Variants in NME8 observed in about 807,000 individuals in gnomAD.
The protein encoded by NME8 is protein NME8.
In NME8, 72 loss-of-function variants were observed where a neutral mutation model predicts 82.3. The observed-to-expected ratio is 0.87, with a 90% CI of 0.72 to 1.06. NME8 has a LOEUF of 1.06. NME8 is among the 50% of genes least tolerant of loss of function. The pLI is 0.00. For synonymous variants in NME8, 267 were observed against 228.5 expected (o/e 1.17, Z -1.52); for missense variants, 712 against 685.4 (o/e 1.04, Z -0.43).
intron 14 of NME8, among the ~76,000 whole-genome samples, chr7:37,888,026 C>T (rs1047436417): frequency 1.3e-5 from 2 of 152,094 alleles, no homozygotes; most frequent in Non-Finnish European, 2.9e-5. Flanking sequence ...AGCATTCATT[C>T]CTCTTTCATA....
chr7:37,879,041 A>T (rs1172509545), intron 12 of NME8, among the ~76,000 whole-genome samples: 1 of 151,360 alleles, frequency 6.6e-6, no homozygotes, highest in Non-Finnish European at 1.5e-5. Flanking sequence ...CTCTCTCCTA[A>T]CCCCTGGCAA....
At position 37,867,954 on chromosome 7, in the gene NME8, C is replaced by T. The variant is rs118137117; in HGVS notation, c.818+56C>T. ...TGCAATGTGTTATTGGGTAATGAAG[C>T]GTAGTGTAGGCACCTCAGTACCTAA... On this transcript the variant is annotated intron_variant, in intron 11 of 17. Coordinates refer to ENST00000199447, the MANE Select transcript of NME8 (RefSeq NM_016616.5). The T allele has an allele frequency of 7.7e-3, 11,474 of 1,481,814 alleles. 494 individuals carry two copies. In the East Asian group the frequency reaches 0.12, roughly 15 times the overall value. 91.8% of individuals were successfully genotyped at this position (1,481,814 alleles called of 1,614,324 possible). A position where few individuals can be genotyped will look rare whatever the true frequency, so the allele number is the denominator to read the frequency against.
intron 10 of NME8, among the ~76,000 whole-genome samples, chr7:37,867,487 C>T (rs1279235718): frequency 6.6e-6 from 1 of 151,846 alleles, no homozygotes; most frequent in Non-Finnish European, 1.5e-5. Flanking sequence ...TCACTATGTC[C>T]CCCATGAATA....
chr7:37,888,062 G>A (rs1785070688), intron 14 of NME8, among the ~76,000 whole-genome samples: 1 of 152,086 alleles, frequency 6.6e-6, no homozygotes, highest in Admixed American at 6.6e-5. Flanking sequence ...TCATCGCCTT[G>A]ATGATTTAAA....
At chr7:37,868,719 C>T (rs980363039) in intron 11 of NME8, among the ~76,000 whole-genome samples, 1 of 152,192 alleles carries the variant, frequency 6.6e-6, no homozygotes, top group Non-Finnish European at 1.5e-5. Flanking sequence ...TCAGTCTCCT[C>T]TCCCATCTCC....
intron 15 of NME8, among the ~76,000 whole-genome samples, chr7:37,892,067 C>T (rs1315426423): frequency 4.0e-5 from 6 of 151,826 alleles, no homozygotes; most frequent in Non-Finnish European, 7.4e-5. Context: ...TATCTCTATT[C>T]TTGTTTCCTG....
intron 6 of NME8, among the ~76,000 whole-genome samples, chr7:37,861,447 A>G (rs1302870842): frequency 6.6e-6 from 1 of 152,214 alleles, no homozygotes; most frequent in Non-Finnish European, 1.5e-5. Context: ...CTCTTTGACC[A>G]AAACCCATTC....
In NME8 at chr7:37,894,336, G is replaced by C. The variant is rs529657183; in HGVS notation, c.1400-130G>C. The C allele has an allele frequency of 2.8e-5, 25 of 893,962 alleles. No individual in the cohort carries two copies. The South Asian group carries it at 3.8e-4, about 13-fold the overall frequency. 55.4% of individuals were successfully genotyped at this position (893,962 alleles called of 1,614,324 possible). A position where few individuals can be genotyped will look rare whatever the true frequency, so the allele number is the denominator to read the frequency against. On this transcript the variant is annotated intron_variant, in intron 15 of 17. Coordinates refer to ENST00000199447, the MANE Select transcript of NME8 (RefSeq NM_016616.5). ...GTGCTTTGGAATTTTAATTTCGTTT[G>C]GCAGAGTTTTGCCATGTTAAACCAC...
chr7:37,896,178 A>G (rs920703003), intron 16 of NME8, among the ~76,000 whole-genome samples: 2 of 152,226 alleles, frequency 1.3e-5, no homozygotes, highest in Admixed American at 6.5e-5. Flanking sequence ...AATGGAATAT[A>G]TGTGCTATTG....
intron 13 of NME8, 89 bp downstream of exon 13, chr7:37,884,536 A>G (rs1362576738): frequency 3.6e-6 from 4 of 1,121,416 alleles, no homozygotes; most frequent in Middle Eastern, 2.8e-4. Flanking sequence ...AAGCTGCCAA[A>G]CTCCTCAAGT....
intron 9 of NME8, among the ~76,000 whole-genome samples, chr7:37,864,704 G>C (rs1304539013): frequency 6.6e-6 from 1 of 152,132 alleles, no homozygotes; most frequent in Non-Finnish European, 1.5e-5. Context: ...TGCTGATAAA[G>C]ATGTATCTGA....
chr7:37,884,050 G>C (rs1785004532), intron 12 of NME8, among the ~76,000 whole-genome samples: 1 of 152,088 alleles, frequency 6.6e-6, no homozygotes, highest in African/African-American at 2.4e-5. Flanking sequence ...ATACCTGTGT[G>C]TGTGTGTTGT....
chr7:37,860,331 C>CCATTCT (rs1784580772), intron 6 of NME8, among the ~76,000 whole-genome samples: 1 of 152,196 alleles, frequency 6.6e-6, no homozygotes, highest in Non-Finnish European at 1.5e-5. Context: ...ACTCCTCAAT[C>CCATTCT]CATTCTACCT....
intron 14 of NME8, among the ~76,000 whole-genome samples, chr7:37,885,578 G>A (rs1346095523): frequency 2.0e-5 from 3 of 152,180 alleles, no homozygotes; most frequent in East Asian, 1.9e-4. Context: ...GAAGGTTATG[G>A]TGGCAGCTGT....
chr7:37,875,041 T>A (rs1784825958), intron 11 of NME8, among the ~76,000 whole-genome samples: 1 of 152,174 alleles, frequency 6.6e-6, no homozygotes, highest in African/African-American at 2.4e-5. Flanking sequence ...TGCCAAAGGT[T>A]CATAACCAGA....
chr7:37,860,899 CACCTTGT>C (rs1784589462), intron 6 of NME8, among the ~76,000 whole-genome samples: 1 of 152,170 alleles, frequency 6.6e-6, no homozygotes, highest in Admixed American at 6.5e-5. Context: ...ACAGAAGAGT[CACCTTGT>C]GACATCTCTT....
rs1785193524 is a variant in NME8 at position 37,894,726 on chromosome 7, A to G, written c.1544+116A>G. ...TTCATCTAATCTCATTCATGAAAAG[A>G]CATTCTGCTAACATTCATGGTTCAT... is the stretch of plus-strand genomic sequence containing the variant. On this transcript the variant is annotated intron_variant, in intron 16 of 17. Coordinates refer to ENST00000199447, the MANE Select transcript of NME8 (RefSeq NM_016616.5). 4.8e-6 allele frequency: 5 copies of G among 1,037,930 alleles called. No homozygotes were observed. In the Admixed American group the frequency reaches 1.0e-4, roughly 21 times the overall value. 64.3% of individuals were successfully genotyped at this position (1,037,930 alleles called of 1,614,324 possible).
At chr7:37,885,625 T>C (rs1339768911) in intron 14 of NME8, among the ~76,000 whole-genome samples, 2 of 152,180 alleles carry the variant, frequency 1.3e-5, no homozygotes, top group African/African-American at 4.8e-5. Context: ...AAGACAATGA[T>C]GACTAATTGA....
chr7:37,856,616 G>A (rs770007927), intron 5 of NME8, among the ~76,000 whole-genome samples: 1 of 152,298 alleles, frequency 6.6e-6, no homozygotes, highest in South Asian at 2.1e-4. Flanking sequence ...ATTATTGAAT[G>A]TATAGTTGTT....
Sources: gnomAD v4.1 joint callset for allele counts (sites outside exome capture counted in the v4.1 genomes callset) on GRCh38, gnomAD v4.1.1 for gene constraint, MANE v1.5 for transcripts, NCBI Gene and HGNC (gene_info 2026-07-23, HGNC 2026-07-21) for gene names.